ETV5: variants seen among roughly 807,000 people sequenced by gnomAD.
ETV5 encodes the protein ETS variant transcription factor 5, also known as ETS translocation variant 5.
ETV5 carries 10 observed loss-of-function variants against 70.0 expected under a neutral mutation model. The observed-to-expected ratio is 0.14, with a 90% CI of 0.09 to 0.24. The LOEUF (loss-of-function observed/expected upper bound fraction) is 0.24, where lower values mean the gene tolerates loss of function less well. ETV5 is among the 10% of genes least tolerant of loss of function. The pLI, the probability that ETV5 is intolerant of heterozygous loss-of-function variation, is 1.00. For synonymous variants in ETV5, 216 were observed against 242.2 expected (o/e 0.89, Z 1.01); for missense variants, 453 against 651.2 (o/e 0.70, Z 3.31).
chr3:186,070,757 A>G (rs1177912586), intron 7 of ETV5, among the ~76,000 whole-genome samples: 1 of 152,212 alleles, frequency 6.6e-6, no homozygotes, highest in East Asian at 1.9e-4. Flanking sequence ...CTTTTGAAGT[A>G]TCTAAGAATG....
chr3:186,064,443 CCT>C lies in ETV5; in HGVS notation c.942_943del (p.Gly316LeufsTer7). On this transcript the variant is annotated frameshift_variant, in exon 9 of 13. Coordinates refer to ENST00000306376, the MANE Select transcript of ETV5 (RefSeq NM_004454.3). LOFTEE classifies it high-confidence loss of function. ...TTCATGGCTGCTGGAGAAATAACCC[CCT>C]CTCATGTAGGATGACTGGCAGTTAG... is the stretch of plus-strand genomic sequence containing the variant. 6.2e-7 allele frequency: 1 copy of C among 1,614,062 alleles called. No homozygotes were observed. The highest frequency in any genetic ancestry group is 8.5e-7 in the Non-Finnish European group (1 of 1,180,014).
intron 5 of ETV5, among the ~76,000 whole-genome samples, chr3:186,098,036 CT>C (rs1714353755): frequency 6.6e-6 from 1 of 152,216 alleles, no homozygotes; most frequent in Non-Finnish European, 1.5e-5. Context: ...CGCAGGGACG[CT>C]TGCTCGCTCA....
intron 7 of ETV5, among the ~76,000 whole-genome samples, chr3:186,067,388 C>T (rs577405271): frequency 5.1e-4 from 78 of 152,312 alleles, no homozygotes; most frequent in African/African-American, 1.7e-3. Context: ...GCTGAGATAG[C>T]GCCACTGCAC....
At chr3:186,077,862 TGTATCACCCCAG>T (rs1713833822) in intron 7 of ETV5, 1 of 358,474 alleles carries the variant, frequency 2.8e-6, no homozygotes, top group South Asian at 1.2e-4. Context: ...CAAGGATCTC[TGTATCACCCCAG>T]TGTGTGTGTG....
At chr3:186,075,515 A>G (rs1713762290) in intron 7 of ETV5, among the ~76,000 whole-genome samples, 1 of 152,236 alleles carries the variant, frequency 6.6e-6, no homozygotes, top group South Asian at 2.1e-4. Context: ...TAGCATCCTT[A>G]AGGAATTGGT....
chr3:186,080,133 TAAGCTG>T (rs1278871715), intron 6 of ETV5, 29 bp from the exon 7 acceptor site: 5 of 1,452,134 alleles, frequency 3.4e-6, no homozygotes. Flanking sequence ...AAGGAACCAT[TAAGCTG>T]AAATGAAGCC....
chr3:186,077,039 T>C (rs1713811454), intron 7 of ETV5, among the ~76,000 whole-genome samples: 1 of 152,214 alleles, frequency 6.6e-6, no homozygotes, highest in African/African-American at 2.4e-5. Context: ...AAGTTTTTGG[T>C]TGCTGAATGT....
chr3:186,091,428 T>C (rs1033528470), intron 5 of ETV5, among the ~76,000 whole-genome samples: 5 of 152,210 alleles, frequency 3.3e-5, no homozygotes, highest in Admixed American at 6.5e-5. Flanking sequence ...GGGTCTCAGA[T>C]CAACCATGAG....
chr3:186,099,614 C>G (rs1158477811), intron 5 of ETV5, among the ~76,000 whole-genome samples: 1 of 152,116 alleles, frequency 6.6e-6, no homozygotes, highest in Non-Finnish European at 1.5e-5. Context: ...ATCACACACC[C>G]CACCCCACCA....
chr3:186,105,571 C>CTACT lies in ETV5; in HGVS notation c.133+50_133+53dup, dbSNP rs1714567661. 1 of 1,611,326 alleles carries CTACT rather than the reference C, an allele frequency of 6.2e-7. No homozygotes were observed. Among genetic ancestry groups the CTACT allele is most frequent in the African/African-American group, 1.3e-5 (1 of 74,872 alleles). Reference sequence around the variant, plus strand: ...GAGAAGACAGGGAAGAATCTACACGCTACTGTCACTGGGAGCAGGGAAGCC... The same window carrying CTACT: ...GAGAAGACAGGGAAGAATCTACACGCTACTTACTGTCACTGGGAGCAGGGAAGCC... On this transcript the variant is annotated intron_variant, in intron 3 of 12. Transcript: ENST00000306376. The surrounding 1 kb of genome is among the most constrained non-coding windows in gnomAD (Gnocchi z 4.5).
At chr3:186,079,012 G>C (rs1713866206) in intron 7 of ETV5, 2 of 1,052,686 alleles carry the variant, frequency 1.9e-6, no homozygotes, top group African/African-American at 3.3e-5. Flanking sequence ...CCTAACACAA[G>C]ATAGATAGAT....
At chr3:186,080,907 G>C in intron 6 of ETV5, 139 bp downstream of exon 6, 1 of 1,018,114 alleles carries the variant, frequency 9.8e-7, no homozygotes, top group East Asian at 2.6e-5. Context: ...ACACCCGGAG[G>C]ATGACACTGC....
chr3:186,079,139 G>A, intron 7 of ETV5: 1 of 1,020,150 alleles, frequency 9.8e-7, no homozygotes, highest in Non-Finnish European at 1.2e-6. Flanking sequence ...ATAAAAGAAG[G>A]CCACAAGCAT....
intron 6 of ETV5, 27 bp from the exon 7 acceptor site, chr3:186,080,131 A>G (rs1453336894): frequency 6.9e-7 from 1 of 1,454,838 alleles, no homozygotes; most frequent in East Asian, 2.6e-5. Context: ...AGAAGGAACC[A>G]TTAAGCTGAA....
intron 12 of ETV5, among the ~76,000 whole-genome samples, chr3:186,050,779 GGTAGGAACAA>G (rs1216949822): frequency 6.6e-6 from 1 of 152,066 alleles, no homozygotes; most frequent in African/African-American, 2.4e-5. Context: ...GAAGAGCAGT[GGTAGGAACAA>G]GTACTGGTGC....
In ETV5 at chr3:186,051,514, C is replaced by T. The variant is rs1298134310; in HGVS notation, c.1311+516G>A. On this transcript the variant is annotated intron_variant, in intron 12 of 12. Transcript: ENST00000306376. ...AGCAACCTGCTACCAGGTGACTCTG[C>T]TGCCATTCTACAAACGTTGGGTTTT... 2.0e-5 allele frequency among the ~76,000 whole-genome samples: 3 copies of T among 152,258 alleles called. No individual in the cohort carries two copies. The East Asian group carries it at 5.8e-4, about 29-fold the overall frequency.
intron 5 of ETV5, among the ~76,000 whole-genome samples, chr3:186,099,242 A>T (rs1714391355): frequency 6.6e-6 from 1 of 152,182 alleles, no homozygotes; most frequent in South Asian, 2.1e-4. Flanking sequence ...GGGGCCTGGT[A>T]TCTTGCCACT....
intron 7 of ETV5, among the ~76,000 whole-genome samples, chr3:186,076,942 T>C (rs1713808135): frequency 6.6e-6 from 1 of 152,226 alleles, no homozygotes; most frequent in Non-Finnish European, 1.5e-5. Flanking sequence ...CAAGGTCAAT[T>C]ACTCAGTTTT....
intron 7 of ETV5, 131 bp from the exon 8 acceptor site, chr3:186,066,203 AT>A: frequency 3.6e-6 from 2 of 552,724 alleles, no homozygotes; most frequent in Non-Finnish European, 5.1e-6. Context: ...ATTTCTGGGC[AT>A]TTTACCCTCT....
Sources: allele counts gnomAD v4.1 joint callset (sites outside exome capture counted in the v4.1 genomes callset), GRCh38; gene constraint gnomAD v4.1.1; non-coding constraint Gnocchi (gnomAD v3.1); transcripts MANE v1.5; gene names NCBI Gene and HGNC (gene_info 2026-07-23, HGNC 2026-07-21).